The following TNFAIP2 variants were observed in gnomAD, a reference collection of about 807,000 sequenced individuals.
TNFAIP2 encodes tumor necrosis factor alpha-induced protein 2.
A neutral mutation model predicts 63.5 loss-of-function variants in TNFAIP2; 47 were observed. The observed-to-expected ratio is 0.74, with a 90% CI of 0.59 to 0.94. The LOEUF (loss-of-function observed/expected upper bound fraction) is 0.94, where lower values mean the gene tolerates loss of function less well. Among genes scored for constraint, TNFAIP2 ranks in the 40% least tolerant of loss-of-function variants. The probability of loss-of-function intolerance (pLI) is 0.00; values close to 1 mark genes in which losing one functional copy is unlikely to be tolerated. For synonymous variants in TNFAIP2, 405 were observed against 390.2 expected (o/e 1.04, Z -0.45); for missense variants, 787 against 850.2 (o/e 0.93, Z 0.92).
chr14:103,127,770 TG>T lies in TNFAIP2; in HGVS notation c.860+144del. ...AGTTTTGGGTCCGAGAATGCAGGGG[TG>T]GGACTTGGACTCCCTGGGGCAGAGC... On this transcript the variant is annotated intron_variant, in intron 3 of 11. Coordinates refer to ENST00000560869, the MANE Select transcript of TNFAIP2 (RefSeq NM_006291.4). The surrounding 1 kb of genome is among the most constrained non-coding windows in gnomAD (Gnocchi z 5.1). The T allele has an allele frequency of 1.0e-6, 1 of 998,340 alleles. No individual in the cohort carries two copies. Among genetic ancestry groups the T allele is most frequent in the Non-Finnish European group, 1.4e-6 (1 of 726,090 alleles). The allele number at this position is 998,340 out of a possible 1,614,324, so 61.8% of individuals were successfully genotyped here.
At chr14:103,134,757 T>C (rs1430660015) in intron 11 of TNFAIP2, among the ~76,000 whole-genome samples, 1 of 152,126 alleles carries the variant, frequency 6.6e-6, no homozygotes, top group African/African-American at 2.4e-5. Flanking sequence ...CAGGATGCAA[T>C]GAAGTACAAG....
Position 103,136,510 on chromosome 14 carries a change from C to T in TNFAIP2, c.*1150C>T, listed in dbSNP as rs2088098275. 7.2e-6 allele frequency: 1 copy of T among 139,776 alleles called. No individual in the cohort carries two copies. Among genetic ancestry groups the T allele is most frequent in the Admixed American group, 7.5e-5 (1 of 13,412 alleles). 8.7% of individuals were successfully genotyped at this position (139,776 alleles called of 1,614,324 possible). A position where few individuals can be genotyped will look rare whatever the true frequency, so the allele number is the denominator to read the frequency against. On this transcript the variant is annotated 3_prime_UTR_variant, in exon 12 of 12. Transcript: ENST00000560869. Reference sequence around the variant, plus strand: ...CATTGAGGCCTCCCCTCTCCTGCCTCCCTCCACCACTTTTTTTTTTTTTTT... The same window carrying T: ...CATTGAGGCCTCCCCTCTCCTGCCTTCCTCCACCACTTTTTTTTTTTTTTT...
upstream of TNFAIP2, among the ~76,000 whole-genome samples, chr14:103,121,867 T>C (rs1250722307): frequency 1.7e-5 from 2 of 116,676 alleles, no homozygotes; most frequent in Non-Finnish European, 1.7e-5. Context: ...CCCGATCTGC[T>C]TGGGAATGGG....
At position 103,125,093 on chromosome 14, in the gene TNFAIP2, C is replaced by G. The variant is rs142339377; in HGVS notation, c.-149+1142C>G. On this transcript the variant is annotated intron_variant, in intron 1 of 11. Transcript: ENST00000560869. ...TTTCTCCTTCTGGATGGTGGATCAT[C>G]CTGCCTGCCTTGCAGGGCTGTTTCA... Among the ~76,000 whole-genome samples, 3 of 152,384 alleles carry G rather than the reference C, an allele frequency of 2.0e-5. No individual in the cohort carries two copies. The East Asian group carries it at 5.8e-4, about 29-fold the overall frequency.
chr14:103,135,971 C>G lies in TNFAIP2; in HGVS notation c.*611C>G. ...ACGTCACATCCAGGTGGCCCCACGG[C>G]CCCTACAGGCTGGCCCTGCAATGGG... On this transcript the variant is annotated 3_prime_UTR_variant, in exon 12 of 12. Transcript: ENST00000560869. This position sits in a 1 kb window ranked among gnomAD's most constrained non-coding sequence, Gnocchi z 7.6. The G allele has an allele frequency of 2.3e-6, 3 of 1,289,422 alleles. No homozygotes were observed. Among genetic ancestry groups the G allele is most frequent in the Non-Finnish European group, 3.0e-6 (3 of 988,890 alleles). The allele number at this position is 1,289,422 out of a possible 1,614,324, so 79.9% of individuals were successfully genotyped here.
At chr14:103,124,235 G>A (rs2087807155) in intron 1 of TNFAIP2, 1 of 152,848 alleles carries the variant, frequency 6.5e-6, no homozygotes, top group Non-Finnish European at 1.5e-5. Context: ...CCCCTCAGCA[G>A]CACTGTGGGG....
rs1487199359 is a variant in TNFAIP2, at chr14:103,131,080, G to A, written c.1228G>A (p.Glu410Lys). The A allele has an allele frequency of 6.2e-7, 1 of 1,614,208 alleles. No homozygotes were observed. Among genetic ancestry groups the A allele is most frequent in the South Asian group, 1.1e-5 (1 of 91,086 alleles). ...CCAGCGCGCCTTTAATGAATTTCTGGAGAGAGGCAAGCAGCTGACGAATTA... is the reference window on the plus strand; with the variant it reads ...CCAGCGCGCCTTTAATGAATTTCTGAAGAGAGGCAAGCAGCTGACGAATTA... Reference protein sequence around the residue: ...SYQRAFNEFLERGKQLTNYRA... With the variant: ...SYQRAFNEFLKRGKQLTNYRA... Residue 410 changes from glutamate (E) to lysine (K), a missense_variant, in exon 7 of 12, where the codon GAG becomes AAG. Physicochemically the swap from Glu to Lys is moderately conservative, Grantham distance 56 (BLOSUM62 1). This residue lies in a region of TNFAIP2 where 523 missense variants were observed against 604.1 expected (regional missense o/e 0.87). Coordinates refer to ENST00000560869, the MANE Select transcript of TNFAIP2 (RefSeq NM_006291.4). This position sits in a 1 kb window ranked among gnomAD's most constrained non-coding sequence, Gnocchi z 4.0.
At chr14:103,126,781 GGCAAGTGGGGCTGGAAGGCGC>G (rs2087863236) in intron 2 of TNFAIP2, 89 bp downstream of exon 2, 1 of 1,383,570 alleles carries the variant, frequency 7.2e-7, no homozygotes, top group Admixed American at 2.5e-5. Context: ...ACAGTGGGCC[GGCAAGTGGGGCTGGAAGGCGC>G]GTCTGTCTCC....
chr14:103,132,668 T>TGTGTCTGC (rs6145475), intron 8 of TNFAIP2, 82 bp from the exon 9 acceptor site: 5 of 1,545,988 alleles, frequency 3.2e-6, no homozygotes, highest in East Asian at 2.4e-5. Context: ...GGTGTGTGTC[T>TGTGTCTGC]GTGTCTGCGT....
chr14:103,127,369 G>A lies in TNFAIP2; in HGVS notation c.600G>A (p.Glu200=), dbSNP rs1160866427. The change falls in exon 3 of 12, where the codon GAG becomes GAA. Residue 200 remains glutamate (E), a synonymous_variant. Coordinates refer to ENST00000560869, the MANE Select transcript of TNFAIP2 (RefSeq NM_006291.4). This position sits in a 1 kb window ranked among gnomAD's most constrained non-coding sequence, Gnocchi z 5.1. ...GCGGCGTGGCGGAGGCGGCCGAGGA[G>A]CGCATGGGCCAGCGGCCGGCCGCGG... ...WRRGVAEAAE[E]RMGQRPAAGA... 10 of 1,501,616 alleles carry A rather than the reference G, an allele frequency of 6.7e-6. No individual in the cohort carries two copies. The highest frequency in any genetic ancestry group is 8.8e-6 in the Non-Finnish European group (10 of 1,130,596). 93.0% of individuals were successfully genotyped at this position (1,501,616 alleles called of 1,614,324 possible).
chr14:103,136,263 C>T lies in TNFAIP2; in HGVS notation c.*903C>T. ...GTTTCCTATTGCCGTGACAGGTTTC[C>T]ACAAACTTCGTGGATCAAAACGAGG... is the stretch of plus-strand genomic sequence containing the variant. On this transcript the variant is annotated 3_prime_UTR_variant, in exon 12 of 12. Coordinates refer to ENST00000560869, the MANE Select transcript of TNFAIP2 (RefSeq NM_006291.4). 4.6e-6 allele frequency: 1 copy of T among 215,522 alleles called. No individual in the cohort carries two copies. The highest frequency in any genetic ancestry group is 6.1e-5 in the South Asian group (1 of 16,516). The allele number at this position is 215,522 out of a possible 1,614,324, so 13.4% of individuals were successfully genotyped here. A position where few individuals can be genotyped will look rare whatever the true frequency, so the allele number is the denominator to read the frequency against.
rs371627378 is a variant in TNFAIP2, at chr14:103,133,436, C to T, written c.1620C>T (p.Leu540=). ...IIQLSKGRLV[L]KTAEQQQQLA... ...AACTCAGCAAGGGGCGCCTGGTCCT[C>T]AAGACGGCCGAGCAGCAGCAGCAGC... The change falls in exon 10 of 12, where the codon CTC becomes CTT. Residue 540 remains leucine, a synonymous_variant. Transcript: ENST00000560869. 3 of 1,614,032 alleles carry T rather than the reference C, an allele frequency of 1.9e-6. No individual in the cohort carries two copies. Among genetic ancestry groups the T allele is most frequent in the Admixed American group, 1.7e-5 (1 of 60,026 alleles).
At position 103,133,434 on chromosome 14, in the gene TNFAIP2, C is replaced by T; in HGVS notation, c.1618C>T (p.Leu540Phe). The change falls in exon 10 of 12, where the codon CTC becomes TTC. Residue 540 changes from leucine (L) to phenylalanine (F), a missense_variant. By Grantham distance (22) the Leu-to-Phe change is conservative. Coordinates refer to ENST00000560869, the MANE Select transcript of TNFAIP2 (RefSeq NM_006291.4). ...CCAACTCAGCAAGGGGCGCCTGGTCCTCAAGACGGCCGAGCAGCAGCAGCA... is the reference window on the plus strand; with the variant it reads ...CCAACTCAGCAAGGGGCGCCTGGTCTTCAAGACGGCCGAGCAGCAGCAGCA... ...IIQLSKGRLV[L>F]KTAEQQQQLA... is the part of the protein sequence containing the mutation. 6.2e-7 allele frequency: 1 copy of T among 1,614,042 alleles called. No individual in the cohort carries two copies. The highest frequency in any genetic ancestry group is 1.1e-5 in the South Asian group (1 of 91,088).
chr14:103,126,910 GC>G (rs1317356398), intron 2 of TNFAIP2, 94 bp from the exon 3 acceptor site: 1 of 1,405,810 alleles, frequency 7.1e-7, no homozygotes, highest in African/African-American at 1.5e-5. Context: ...CCGGCCCTGT[GC>G]GCGTCTAGGG....
Position 103,133,678 on chromosome 14 carries a change from G to A in TNFAIP2, c.1702-4G>A. 1.3e-6 allele frequency: 2 copies of A among 1,560,820 alleles called. No homozygotes were observed. The highest frequency in any genetic ancestry group is 2.4e-5 in the South Asian group (2 of 84,144). ...GGTCCCTCCAACCACACCCACTCCT[G>A]CAGGGCTCCCCGGCGACCTGGCTGC... On this transcript the variant is annotated splice_region_variant and splice_polypyrimidine_tract_variant and intron_variant, in intron 10 of 11. Transcript: ENST00000560869.
At chr14:103,130,472 C>T (rs954206322) in intron 6 of TNFAIP2, 57 bp downstream of exon 6, 1 of 1,486,288 alleles carries the variant, frequency 6.7e-7, no homozygotes, top group Non-Finnish European at 9.2e-7. Context: ...GCCACGGCCC[C>T]TCCCTAGTGC....
At chr14:103,134,906 C>T (rs940455061) in intron 11 of TNFAIP2, among the ~76,000 whole-genome samples, 45 of 152,138 alleles carry the variant, frequency 3.0e-4, no homozygotes, top group African/African-American at 6.3e-4. Flanking sequence ...TAGGAGGTGC[C>T]GACTTTAGAG....
Position 103,135,704 on chromosome 14 carries a change from C to T in TNFAIP2, c.*344C>T, listed in dbSNP as rs1566966914. ...ATCCCCGGACACCTCTGTCCAGAGC[C>T]CCTCCACAGTCGGCCTCATGACTGT... On this transcript the variant is annotated 3_prime_UTR_variant, in exon 12 of 12. Coordinates refer to ENST00000560869, the MANE Select transcript of TNFAIP2 (RefSeq NM_006291.4). This position sits in a 1 kb window ranked among gnomAD's most constrained non-coding sequence, Gnocchi z 7.6. 4 of 1,250,070 alleles carry T rather than the reference C, an allele frequency of 3.2e-6. No homozygotes were observed. The highest frequency in any genetic ancestry group is 4.1e-6 in the Non-Finnish European group (4 of 979,182). 77.4% of individuals were successfully genotyped at this position (1,250,070 alleles called of 1,614,324 possible). A position where few individuals can be genotyped will look rare whatever the true frequency, so the allele number is the denominator to read the frequency against.
chr14:103,126,058 C>T (rs1212729319), intron 1 of TNFAIP2, among the ~76,000 whole-genome samples: 1 of 152,052 alleles, frequency 6.6e-6, no homozygotes, highest in Non-Finnish European at 1.5e-5. Context: ...GCGGGCTTGG[C>T]GTCCCCAGCC....
Sources: allele counts gnomAD v4.1 joint callset (sites outside exome capture counted in the v4.1 genomes callset), GRCh38; gene constraint gnomAD v4.1.1; regional missense constraint gnomAD v4.1.1; non-coding constraint Gnocchi (gnomAD v3.1); transcripts MANE v1.5; gene names NCBI Gene and HGNC (gene_info 2026-07-23, HGNC 2026-07-21).